The following MBNL1 variants were observed in gnomAD, a reference collection of about 807,000 sequenced individuals.
MBNL1 encodes muscleblind like splicing regulator 1.
Under a neutral mutation model 42.2 loss-of-function variants are expected in MBNL1, and 8 were observed. The ratio of observed to expected loss-of-function variants is 0.19; its 90% confidence interval spans 0.11 to 0.34. MBNL1 has a LOEUF of 0.34. Ranked by LOEUF, MBNL1 falls within the 10% of genes least tolerant of loss-of-function variation. The pLI is 1.00. For synonymous variants in MBNL1, 169 were observed against 173.9 expected, an observed-to-expected ratio of 0.97 and a Z score of 0.22; for missense variants, 309 against 495.3, an observed-to-expected ratio of 0.62 and a Z score of 3.57.
intron 5 of MBNL1, 95 bp downstream of exon 5, chr3:152,445,634 T>A: frequency 7.3e-7 from 1 of 1,365,156 alleles, no homozygotes; most frequent in Non-Finnish European, 1.0e-6. Context: ...GTAACCTTTT[T>A]AAAAAAATTG....
intron 2 of MBNL1, among the ~76,000 whole-genome samples, chr3:152,301,486 T>A (rs1283514786): frequency 6.6e-6 from 1 of 152,102 alleles, no homozygotes; most frequent in African/African-American, 2.4e-5. Context: ...TCAGGGTGAG[T>A]TATGAGTTAA....
intron 2 of MBNL1, among the ~76,000 whole-genome samples, chr3:152,255,185 G>A (rs755227338): frequency 6.6e-6 from 1 of 152,062 alleles, no homozygotes; most frequent in Non-Finnish European, 1.5e-5. Context: ...ATTTAGAACT[G>A]TACTTCCAGG....
intron 2 of MBNL1, among the ~76,000 whole-genome samples, chr3:152,394,278 AGTCT>A (rs961538370): frequency 4.6e-5 from 7 of 152,352 alleles, no homozygotes; most frequent in East Asian, 1.9e-4. Flanking sequence ...AGCTATAAGA[AGTCT>A]GTCTGACTAT....
At chr3:152,274,848 A>G (rs1252790040) in intron 1 of MBNL1, among the ~76,000 whole-genome samples, 1 of 152,162 alleles carries the variant, frequency 6.6e-6, no homozygotes, top group African/African-American at 2.4e-5. Flanking sequence ...AATAGTTACA[A>G]ACTGTTGGTA....
At chr3:152,315,114 C>A (rs73009906) in intron 2 of MBNL1, among the ~76,000 whole-genome samples, 160 of 152,276 alleles carry the variant, frequency 1.1e-3, no homozygotes, top group African/African-American at 3.6e-3. Flanking sequence ...TTGGCTATTT[C>A]AGGCTTTTAA....
rs935987393 is a variant in MBNL1, at chr3:152,385,992, A to G, written c.175-28949A>G. On this transcript the variant is annotated intron_variant, in intron 2 of 9. Coordinates refer to ENST00000324210, the MANE Select transcript of MBNL1 (RefSeq NM_021038.5). ...GTGATGTACTTGAAATACTTTTAAC[A>G]TGTGGTATTTAGAATGTTTAGAATG... Among the ~76,000 whole-genome samples the G allele has an allele frequency of 5.9e-5, 9 of 152,188 alleles. No homozygotes were observed. In the Middle Eastern group the frequency reaches 0.014, roughly 230 times the overall value.
intron 4 of MBNL1, among the ~76,000 whole-genome samples, chr3:152,439,948 C>A (rs775573377): frequency 1.3e-5 from 2 of 152,150 alleles, no homozygotes; most frequent in Non-Finnish European, 2.9e-5. Flanking sequence ...ATTTTCCTGT[C>A]CTCTTGGGTT....
At chr3:152,354,329 C>A (rs1255779331) in intron 2 of MBNL1, among the ~76,000 whole-genome samples, 1 of 152,120 alleles carries the variant, frequency 6.6e-6, no homozygotes, top group African/African-American at 2.4e-5. Flanking sequence ...GTGGCTTCCG[C>A]CTGTGGTCCC....
rs1211645140 is a variant in MBNL1, at chr3:152,300,192, A to G, written c.-2A>G. ...ACATTTAACTACCTGTAAAATCTAA[A>G]CATGGCTGTTAGTGTCACACCAATT... On this transcript the variant is annotated 5_prime_UTR_variant, in exon 2 of 10. Transcript: ENST00000324210. 6.3e-6 allele frequency: 10 copies of G among 1,582,056 alleles called. No individual in the cohort carries two copies. Among genetic ancestry groups the G allele is most frequent in the Non-Finnish European group, 8.6e-6 (10 of 1,160,202 alleles).
At chr3:152,341,229 GTCTC>G (rs1276374623) in intron 2 of MBNL1, among the ~76,000 whole-genome samples, 1 of 152,206 alleles carries the variant, frequency 6.6e-6, no homozygotes, top group Non-Finnish European at 1.5e-5. Flanking sequence ...GTGTGGCACA[GTCTC>G]AAGCTAGTGG....
Position 152,438,010 on chromosome 3 carries a change from G to T in MBNL1, c.549+5090G>T, listed in dbSNP as rs543299557. On this transcript the variant is annotated intron_variant, in intron 4 of 9. Transcript: ENST00000324210. The stretch of plus-strand genomic sequence containing the variant: ...GCTGGTCTCAGCAATTTCTTTCCAG[G>T]ATTATGTTAAGAAATTATTCAAATC... Among the ~76,000 whole-genome samples, 494 of 152,168 alleles carry T rather than the reference G, an allele frequency of 3.2e-3. 2 individuals are homozygous for T. The highest frequency in any genetic ancestry group is 0.012 in the African/African-American group (478 of 41,510).
intron 1 of MBNL1, among the ~76,000 whole-genome samples, chr3:152,287,056 G>A (rs1377712621): frequency 2.6e-4 from 39 of 151,768 alleles, no homozygotes; most frequent in African/African-American, 9.4e-4. Flanking sequence ...CGTCTCTACT[G>A]AAAATACAAA....
intron 2 of MBNL1, among the ~76,000 whole-genome samples, chr3:152,383,920 A>G (rs1051974789): frequency 1.3e-5 from 2 of 152,024 alleles, no homozygotes; most frequent in Admixed American, 6.6e-5. Context: ...TACTCATGGC[A>G]CCTAAATAAA....
At chr3:152,244,490 TA>T (rs569730229) in intron 2 of MBNL1, 13 of 152,336 alleles carry the variant, frequency 8.5e-5, no homozygotes, top group African/African-American at 3.1e-4. Context: ...GATTGCTATT[TA>T]TATAGCAACA....
intron 2 of MBNL1, among the ~76,000 whole-genome samples, chr3:152,397,135 T>TA (rs1280155159): frequency 6.6e-6 from 1 of 152,180 alleles, no homozygotes; most frequent in Non-Finnish European, 1.5e-5. Flanking sequence ...TTCCCCAGCT[T>TA]AAAAAAATCT....
chr3:152,438,005 T>C (rs2099101508), intron 4 of MBNL1, among the ~76,000 whole-genome samples: 2 of 152,128 alleles, frequency 1.3e-5, no homozygotes, highest in Admixed American at 1.3e-4. Flanking sequence ...GCAATTTCTT[T>C]CCAGGATTAT....
At chr3:152,386,483 G>A (rs2097429532) in intron 2 of MBNL1, among the ~76,000 whole-genome samples, 1 of 152,002 alleles carries the variant, frequency 6.6e-6, no homozygotes, top group Non-Finnish European at 1.5e-5. Flanking sequence ...GATTTTTCTT[G>A]GGTACATTGA....
intron 2 of MBNL1, among the ~76,000 whole-genome samples, chr3:152,304,413 A>G (rs1441314715): frequency 6.6e-6 from 1 of 152,216 alleles, no homozygotes; most frequent in African/African-American, 2.4e-5. Context: ...TAATCCTGAT[A>G]AAATATCTGC....
intron 1 of MBNL1, among the ~76,000 whole-genome samples, chr3:152,286,021 AC>A (rs2051487172): frequency 6.6e-6 from 1 of 151,950 alleles, no homozygotes; most frequent in African/African-American, 2.4e-5. Context: ...AGAATGTAGC[AC>A]AAGCCAACTT....
Sources: gnomAD v4.1 joint callset for allele counts (sites outside exome capture counted in the v4.1 genomes callset) on GRCh38, gnomAD v4.1.1 for gene constraint, MANE v1.5 for transcripts, NCBI Gene and HGNC (gene_info 2026-07-23, HGNC 2026-07-21) for gene names.